PLXNA4: variants seen among roughly 807,000 people sequenced by gnomAD.
PLXNA4 encodes plexin-A4.
Under a neutral mutation model 191.8 loss-of-function variants are expected in PLXNA4, and 44 were observed. The ratio of observed to expected loss-of-function variants is 0.23; its 90% confidence interval spans 0.18 to 0.29. PLXNA4 has a LOEUF of 0.29. Among genes scored for constraint, PLXNA4 ranks in the 10% least tolerant of loss-of-function variants. The pLI is 1.00. For synonymous variants in PLXNA4, 1,082 were observed against 1,009.5 expected, an observed-to-expected ratio of 1.07 and a Z score of -1.36; for missense variants, 1,800 against 2,488.8, an observed-to-expected ratio of 0.72 and a Z score of 5.89.
intron 3 of PLXNA4, among the ~76,000 whole-genome samples, chr7:132,456,625 C>G (rs1796324894): frequency 1.3e-5 from 2 of 151,856 alleles, no homozygotes; most frequent in Admixed American, 1.3e-4. Context: ...AACGACTCAG[C>G]TGCGAACCGG....
intron 30 of PLXNA4, among the ~76,000 whole-genome samples, chr7:132,136,258 A>C (rs1369230255): frequency 6.6e-6 from 1 of 152,134 alleles, no homozygotes; most frequent in Non-Finnish European, 1.5e-5. Flanking sequence ...ACTGATCAGG[A>C]AGAACACAAT....
rs151293518 is a variant in PLXNA4 at position 132,157,130 on chromosome 7, G to A, written c.4660+2343C>T. On this transcript the variant is annotated intron_variant, in intron 25 of 31. Coordinates refer to ENST00000321063, the MANE Select transcript of PLXNA4 (RefSeq NM_020911.2). ...CCAGCAGCAAATGTGATGGCAGAGG[G>A]ATCCTCTCTGTTTGTTTGGGTGCCT... is the stretch of plus-strand genomic sequence containing the variant. 4.5e-3 allele frequency among the ~76,000 whole-genome samples: 692 copies of A among 152,336 alleles called. 1 individual carries two copies. Among genetic ancestry groups the A allele is most frequent in the South Asian group, 0.013 (63 of 4,832 alleles).
Position 132,456,913 on chromosome 7 carries a change from T to C in PLXNA4, c.1371+32379A>G, listed in dbSNP as rs1375304802. 3.3e-5 allele frequency among the ~76,000 whole-genome samples: 5 copies of C among 152,304 alleles called. No homozygotes were observed. In the Middle Eastern group the frequency reaches 0.01, roughly 311 times the overall value. On this transcript the variant is annotated intron_variant, in intron 3 of 31. Transcript: ENST00000321063. ...CAGTTTCCATTTACACTTTAATGGT[T>C]CTGTATTTTTTTTAACCTCATCATT...
intron 1 of PLXNA4, among the ~76,000 whole-genome samples, chr7:132,563,697 T>TCTCCTCCTCCTCCTCCTC (rs1263532518): frequency 3.5e-5 from 1 of 28,750 alleles, no homozygotes; most frequent in African/African-American, 1.5e-4. Flanking sequence ...TCCTCCTCCT[T>TCTCCTCCTCCTCCTCCTC]CTCCTCCTCC....
At chr7:132,448,213 A>G (rs1219081604) in intron 3 of PLXNA4, among the ~76,000 whole-genome samples, 3 of 152,152 alleles carry the variant, frequency 2.0e-5, no homozygotes, top group East Asian at 1.9e-4. Flanking sequence ...CATTTTGTCA[A>G]TAAGGAATAG....
chr7:132,346,225 G>A (rs1274664815), intron 3 of PLXNA4, among the ~76,000 whole-genome samples: 4 of 152,208 alleles, frequency 2.6e-5, no homozygotes, highest in African/African-American at 4.8e-5. Flanking sequence ...TGGGATGGTT[G>A]CAAGGACTAA....
At chr7:132,211,565 G>A (rs1797802480) in intron 9 of PLXNA4, among the ~76,000 whole-genome samples, 1 of 152,202 alleles carries the variant, frequency 6.6e-6, no homozygotes, top group Non-Finnish European at 1.5e-5. Flanking sequence ...GAGAAGCTCC[G>A]CAGAGAGGCA....
intron 29 of PLXNA4, among the ~76,000 whole-genome samples, chr7:132,141,846 C>T (rs1442207889): frequency 2.0e-5 from 3 of 152,172 alleles, no homozygotes; most frequent in Non-Finnish European, 4.4e-5. Context: ...TCTTCTGCCT[C>T]AGCCTCCTGA....
chr7:132,552,492 C>T (rs1037797767), intron 1 of PLXNA4, among the ~76,000 whole-genome samples: 3 of 152,206 alleles, frequency 2.0e-5, no homozygotes, highest in African/African-American at 7.2e-5. Flanking sequence ...GGATTCTCTA[C>T]AGGCAGCCCT....
intron 25 of PLXNA4, among the ~76,000 whole-genome samples, chr7:132,151,077 C>G (rs1012557560): frequency 6.6e-6 from 1 of 152,146 alleles, no homozygotes; most frequent in Non-Finnish European, 1.5e-5. Flanking sequence ...AAGGAGTACA[C>G]TTAGCTTGCT....
intron 1 of PLXNA4, among the ~76,000 whole-genome samples, chr7:132,523,544 C>T (rs1226674597): frequency 6.6e-6 from 1 of 152,234 alleles, no homozygotes; most frequent in Non-Finnish European, 1.5e-5. Context: ...AGAAGAGAGA[C>T]AGCAGATGCC....
chr7:132,289,656 C>T (rs1162335205), intron 4 of PLXNA4, among the ~76,000 whole-genome samples: 1 of 152,036 alleles, frequency 6.6e-6, no homozygotes, highest in African/African-American at 2.4e-5. Context: ...CCTCAGCCTC[C>T]TGAGTAGCTG....
intron 4 of PLXNA4, among the ~76,000 whole-genome samples, chr7:132,266,855 A>G (rs1799877282): frequency 6.6e-6 from 1 of 152,250 alleles, no homozygotes; most frequent in Non-Finnish European, 1.5e-5. Flanking sequence ...TCCATTTTGG[A>G]ATAAAGTGAC....
chr7:132,163,141 C>T (rs1357843056), intron 24 of PLXNA4, among the ~76,000 whole-genome samples: 1 of 152,206 alleles, frequency 6.6e-6, no homozygotes, highest in Non-Finnish European at 1.5e-5. Flanking sequence ...ATACTCCCTC[C>T]TTCCAAGTCC....
At chr7:132,203,292 C>T (rs752840321) in intron 11 of PLXNA4, 31 bp downstream of exon 11, 11 of 1,578,962 alleles carry the variant, frequency 7.0e-6, no homozygotes, top group East Asian at 2.2e-5. Context: ...CCTTCCCCTC[C>T]CTCCCCTGCT....
At chr7:132,427,148 C>G (rs1795075684) in intron 3 of PLXNA4, among the ~76,000 whole-genome samples, 1 of 152,254 alleles carries the variant, frequency 6.6e-6, no homozygotes, top group Non-Finnish European at 1.5e-5. Flanking sequence ...AATGCTGTCT[C>G]TTCTGCCAGG....
rs1424938866 is a variant in PLXNA4, at chr7:132,128,981, C to T, written c.*1498G>A. 6.6e-6 allele frequency: 1 copy of T among 152,264 alleles called. No individual in the cohort carries two copies. The highest frequency in any genetic ancestry group is 1.9e-4 in the East Asian group (1 of 5,200). 9.4% of individuals were successfully genotyped at this position (152,264 alleles called of 1,614,324 possible). A position where few individuals can be genotyped will look rare whatever the true frequency, so the allele number is the denominator to read the frequency against. ...GAACCCTCCATTAGACCATCTCTCC[C>T]CATAGCCTCTGCTTACCTAGTATCA... On this transcript the variant is annotated 3_prime_UTR_variant, in exon 32 of 32. Coordinates refer to ENST00000321063, the MANE Select transcript of PLXNA4 (RefSeq NM_020911.2).
chr7:132,463,142 C>T (rs751948476), intron 3 of PLXNA4, among the ~76,000 whole-genome samples: 13 of 152,012 alleles, frequency 8.6e-5, no homozygotes, highest in Non-Finnish European at 1.5e-4. Flanking sequence ...TGAGCCATCG[C>T]GCCCAGCCTG....
intron 4 of PLXNA4, among the ~76,000 whole-genome samples, chr7:132,269,764 G>A (rs947280545): frequency 6.7e-6 from 1 of 149,634 alleles, no homozygotes; most frequent in African/African-American, 2.5e-5. Context: ...TCATTTTGTT[G>A]TCCTTTTCCC....
Sources: allele counts gnomAD v4.1 joint callset (sites outside exome capture counted in the v4.1 genomes callset), GRCh38; gene constraint gnomAD v4.1.1; transcripts MANE v1.5; gene names NCBI Gene and HGNC (gene_info 2026-07-23, HGNC 2026-07-21).